Variants in WDFY4 observed in about 807,000 individuals in gnomAD.
WDFY4 encodes WDFY family member 4, also known as WD repeat- and FYVE domain-containing protein 4.
Under a neutral mutation model 351.9 loss-of-function variants are expected in WDFY4, and 169 were observed. That is an observed-to-expected ratio of 0.48 (90% CI 0.42 to 0.55). The LOEUF (loss-of-function observed/expected upper bound fraction) is 0.55, where lower values mean the gene tolerates loss of function less well. Among genes scored for constraint, WDFY4 ranks in the 20% least tolerant of loss-of-function variants. WDFY4 has a pLI of 0.00. For synonymous variants in WDFY4, 1,622 were observed against 1,574.6 expected (o/e 1.03, Z -0.71); for missense variants, 3,803 against 3,935.6 (o/e 0.97, Z 0.90).
chr10:48,959,743 T>C lies in WDFY4; in HGVS notation c.8153T>C (p.Val2718Ala). The C allele has an allele frequency of 2.6e-6, 4 of 1,551,634 alleles. No homozygotes were observed. The South Asian group carries it at 4.8e-5, about 18-fold the overall frequency. The change falls in exon 53 of 62, where the codon GTG becomes GCG. Residue 2718 changes from valine to alanine, a missense_variant. Transcript: ENST00000325239. Reference protein sequence around the residue: ...VEFGCMQDGTVLGDVQLPPWA... With the variant: ...VEFGCMQDGTALGDVQLPPWA... ...GCAGGCTGCATGCAGGACGGGACTG[T>C]GCTAGGAGACGTGCAGCTCCCTCCC...
At chr10:48,909,985 T>A (rs1837853536) in intron 47 of WDFY4, 5 of 525,774 alleles carry the variant, frequency 9.5e-6, no homozygotes, top group Admixed American at 3.2e-5. Flanking sequence ...GTAATTTTCT[T>A]AAATTTTTTT....
At chr10:48,821,665 G>T (rs755789327) in intron 34 of WDFY4, among the ~76,000 whole-genome samples, 1 of 152,186 alleles carries the variant, frequency 6.6e-6, no homozygotes, top group Non-Finnish European at 1.5e-5. Flanking sequence ...TTTTCAACAA[G>T]CCTAAACAAA....
At chr10:48,697,445 G>T (rs887026147) in intron 1 of WDFY4, among the ~76,000 whole-genome samples, 2 of 152,222 alleles carry the variant, frequency 1.3e-5, no homozygotes, top group Non-Finnish European at 2.9e-5. Context: ...TCAGAAGTAA[G>T]TCACAATGTT....
chr10:48,952,027 GT>G (rs1841349101), intron 51 of WDFY4, among the ~76,000 whole-genome samples: 1 of 152,260 alleles, frequency 6.6e-6, no homozygotes, highest in South Asian at 2.1e-4. Flanking sequence ...GAGATGGCTG[GT>G]TTTTGTACAA....
At chr10:48,733,887 A>C in intron 9 of WDFY4, 44 bp from the exon 10 acceptor site, 1 of 1,527,188 alleles carries the variant, frequency 6.5e-7, no homozygotes, top group South Asian at 1.2e-5. Flanking sequence ...CGGTCATACC[A>C]CATGTACTTA....
intron 51 of WDFY4, among the ~76,000 whole-genome samples, chr10:48,947,776 A>C (rs1841122852): frequency 1.3e-5 from 2 of 152,152 alleles, no homozygotes; most frequent in South Asian, 4.1e-4. Flanking sequence ...GAACGGGGAG[A>C]TAGCCCTCAG....
At chr10:48,842,938 A>T (rs2068658847) in intron 39 of WDFY4, among the ~76,000 whole-genome samples, 1 of 152,146 alleles carries the variant, frequency 6.6e-6, no homozygotes, top group Non-Finnish European at 1.5e-5. Flanking sequence ...TTGGCCATGC[A>T]GCCTCCCAAA....
intron 12 of WDFY4, among the ~76,000 whole-genome samples, chr10:48,751,088 C>T (rs2065168019): frequency 6.6e-6 from 1 of 152,202 alleles, no homozygotes; most frequent in Non-Finnish European, 1.5e-5. Flanking sequence ...TGCTCCTCTT[C>T]TGGGCTCCCA....
chr10:48,879,116 C>G (rs1001537314), intron 43 of WDFY4, among the ~76,000 whole-genome samples: 1 of 152,106 alleles, frequency 6.6e-6, no homozygotes, highest in East Asian at 1.9e-4. Flanking sequence ...TAGTAAATAC[C>G]TTGTCCATTG....
chr10:48,717,546 C>G (rs2063947402), intron 2 of WDFY4, among the ~76,000 whole-genome samples: 1 of 152,206 alleles, frequency 6.6e-6, no homozygotes, highest in South Asian at 2.1e-4. Context: ...ATGGGGTTCT[C>G]TCTCTTGAAT....
At chr10:48,930,758 A>C (rs1213004144) in intron 47 of WDFY4, among the ~76,000 whole-genome samples, 2 of 152,234 alleles carry the variant, frequency 1.3e-5, no homozygotes, top group African/African-American at 4.8e-5. Flanking sequence ...GTGTAATCAT[A>C]GAATGAAATA....
chr10:48,770,735 A>C (rs1037967393), intron 13 of WDFY4, among the ~76,000 whole-genome samples: 5 of 152,192 alleles, frequency 3.3e-5, no homozygotes, highest in African/African-American at 1.2e-4. Flanking sequence ...AGAGCAAATT[A>C]ACTTTGGCAC....
At chr10:48,685,879 T>C (rs1352845504) in intron 1 of WDFY4, among the ~76,000 whole-genome samples, 1 of 141,324 alleles carries the variant, frequency 7.1e-6, no homozygotes, top group East Asian at 2.3e-4. Context: ...GGGTCTACGG[T>C]GCTCAGCAGG....
chr10:48,784,831 C>CACCCAGTT (rs1383076976), intron 19 of WDFY4, among the ~76,000 whole-genome samples: 1 of 145,880 alleles, frequency 6.9e-6, no homozygotes, highest in East Asian at 2.0e-4. Context: ...TGAGCCACCA[C>CACCCAGTT]ACCCAGTTGC....
intron 43 of WDFY4, among the ~76,000 whole-genome samples, chr10:48,890,267 G>C (rs1334470406): frequency 6.6e-6 from 1 of 152,142 alleles, no homozygotes; most frequent in Non-Finnish European, 1.5e-5. Flanking sequence ...GCTTTGCATG[G>C]TTGTAGAGGG....
intron 1 of WDFY4, among the ~76,000 whole-genome samples, chr10:48,688,448 T>C (rs2063112008): frequency 6.6e-6 from 1 of 152,232 alleles, no homozygotes; most frequent in Non-Finnish European, 1.5e-5. Flanking sequence ...TCTCTCCACT[T>C]ATTTAGGTCT....
chr10:48,728,785 G>T (rs1031072633), intron 7 of WDFY4, among the ~76,000 whole-genome samples: 1 of 152,240 alleles, frequency 6.6e-6, no homozygotes, highest in Non-Finnish European at 1.5e-5. Flanking sequence ...CAAATTTTTG[G>T]TTCATTGGGT....
chr10:48,958,901 A>G (rs985700659), intron 52 of WDFY4, among the ~76,000 whole-genome samples: 1 of 152,220 alleles, frequency 6.6e-6, no homozygotes, highest in African/African-American at 2.4e-5. Context: ...TCAGTAGCCA[A>G]GAGAGAGCAG....
intron 12 of WDFY4, among the ~76,000 whole-genome samples, chr10:48,747,614 T>A (rs1253241144): frequency 1.3e-5 from 2 of 152,258 alleles, no homozygotes; most frequent in African/African-American, 4.8e-5. Flanking sequence ...ACTAGCTGTG[T>A]CTAATCTGAT....
Sources: allele counts gnomAD v4.1 joint callset (sites outside exome capture counted in the v4.1 genomes callset), GRCh38; gene constraint gnomAD v4.1.1; transcripts MANE v1.5; gene names NCBI Gene and HGNC (gene_info 2026-07-23, HGNC 2026-07-21).